Variants in SOX6 observed in about 807,000 individuals in gnomAD.
SOX6 encodes transcription factor SOX-6.
In SOX6, 11 loss-of-function variants were observed where a neutral mutation model predicts 97.8. That is an observed-to-expected ratio of 0.11 (90% CI 0.07 to 0.19). The LOEUF is 0.19. SOX6 is among the 10% of genes least tolerant of loss of function. SOX6 has a pLI of 1.00. For synonymous variants in SOX6, 360 were observed against 371.4 expected (o/e 0.97, Z 0.35); for missense variants, 810 against 1,039.5 (o/e 0.78, Z 3.04).
chr11:16,495,361 A>C (rs1376807245), intron 4 of SOX6, among the ~76,000 whole-genome samples: 1 of 152,010 alleles, frequency 6.6e-6, no homozygotes, highest in Non-Finnish European at 1.5e-5. Flanking sequence ...ACCTATCAAA[A>C]CTAGTGCCCA....
intron 3 of SOX6, among the ~76,000 whole-genome samples, chr11:16,640,324 G>C (rs1246515802): frequency 2.0e-5 from 3 of 152,194 alleles, no homozygotes; most frequent in Non-Finnish European, 4.4e-5. Flanking sequence ...GTATTTTACT[G>C]AGGATTTTTG....
chr11:16,440,842 C>T (rs1859491013), intron 1 of SOX6, among the ~76,000 whole-genome samples: 1 of 152,154 alleles, frequency 6.6e-6, no homozygotes, highest in South Asian at 2.1e-4. Flanking sequence ...GTCCAGAATA[C>T]AAGTTTCCTG....
chr11:16,090,820 A>C (rs1483554127), intron 9 of SOX6, among the ~76,000 whole-genome samples: 1 of 152,080 alleles, frequency 6.6e-6, no homozygotes, highest in Non-Finnish European at 1.5e-5. Context: ...CACCCATCAG[A>C]AGTACTTTAG....
At chr11:16,651,907 A>G (rs1424703310) in intron 3 of SOX6, among the ~76,000 whole-genome samples, 2 of 151,852 alleles carry the variant, frequency 1.3e-5, no homozygotes, top group African/African-American at 4.8e-5. Context: ...CATAGATCTG[A>G]TAAGTAAAGC....
intron 3 of SOX6, among the ~76,000 whole-genome samples, chr11:16,247,589 T>C (rs1853377955): frequency 6.6e-6 from 1 of 152,100 alleles, no homozygotes; most frequent in Non-Finnish European, 1.5e-5. Context: ...AGGAGAAGAA[T>C]GAGAACTGAG....
intron 4 of SOX6, among the ~76,000 whole-genome samples, chr11:16,533,907 A>G (rs1286079866): frequency 1.3e-5 from 2 of 152,122 alleles, no homozygotes; most frequent in Non-Finnish European, 2.9e-5. Flanking sequence ...TCAGTTTTTG[A>G]AAACAAATAA....
At chr11:16,167,758 T>G (rs1461228592) in intron 6 of SOX6, among the ~76,000 whole-genome samples, 1 of 152,118 alleles carries the variant, frequency 6.6e-6, no homozygotes, top group East Asian at 1.9e-4. Flanking sequence ...AAATACTACC[T>G]TCTCCCTTAA....
intron 3 of SOX6, among the ~76,000 whole-genome samples, chr11:16,293,294 C>A (rs1035046877): frequency 6.6e-6 from 1 of 152,040 alleles, no homozygotes; most frequent in African/African-American, 2.4e-5. Context: ...ATGAGAGACA[C>A]CGGAATTTAA....
intron 3 of SOX6, among the ~76,000 whole-genome samples, chr11:16,713,382 CATAA>C (rs1848195479): frequency 2.0e-5 from 3 of 151,988 alleles, no homozygotes; most frequent in African/African-American, 7.2e-5. Flanking sequence ...TTTTACATTA[CATAA>C]ATAATTTACT....
At chr11:16,494,451 T>G (rs559993598) in intron 4 of SOX6, among the ~76,000 whole-genome samples, 1 of 152,184 alleles carries the variant, frequency 6.6e-6, no homozygotes, top group Non-Finnish European at 1.5e-5. Context: ...ATCCTCAATA[T>G]GTATTGTGAA....
intron 4 of SOX6, among the ~76,000 whole-genome samples, chr11:16,597,341 T>TAG (rs1491311982): frequency 6.6e-6 from 1 of 150,466 alleles, no homozygotes; most frequent in Non-Finnish European, 1.5e-5. Flanking sequence ...TGTGTGTGTG[T>TAG]ATATATATAT....
chr11:16,386,370 T>A (rs1857987235), intron 1 of SOX6, among the ~76,000 whole-genome samples: 5 of 152,004 alleles, frequency 3.3e-5, no homozygotes, highest in Admixed American at 3.3e-4. Flanking sequence ...AACTGAGTCA[T>A]GGCCCTGAAA....
rs527800675 is a variant in SOX6 at position 16,176,397 on chromosome 11, C to T, written c.777+7489G>A. On this transcript the variant is annotated intron_variant, in intron 6 of 15. Transcript: ENST00000683767. Reference sequence around the variant, plus strand: ...TAGCATGGAATGCTGTCACTCACTGCTCACATTCATCAGATGAAGAAGGTA... The same window carrying T: ...TAGCATGGAATGCTGTCACTCACTGTTCACATTCATCAGATGAAGAAGGTA... Among the ~76,000 whole-genome samples the T allele has an allele frequency of 4.6e-5, 7 of 151,922 alleles. 1 individual carries two copies. Among genetic ancestry groups the T allele is most frequent in the Admixed American group, 4.6e-4 (7 of 15,226 alleles).
At chr11:16,426,782 C>T (rs946263193) in intron 1 of SOX6, among the ~76,000 whole-genome samples, 24 of 150,222 alleles carry the variant, frequency 1.6e-4, no homozygotes, top group African/African-American at 4.6e-4. Context: ...GGCGTAGTGG[C>T]GGGCGCCTGT....
rs563250746 is a variant in SOX6 at position 16,647,001 on chromosome 11, C to A, written n.430-34741G>T. Among the ~76,000 whole-genome samples, 3 of 152,342 alleles carry A rather than the reference C, an allele frequency of 2.0e-5. No individual in the cohort carries two copies. The South Asian group carries it at 6.2e-4, about 32-fold the overall frequency. On this transcript the variant is annotated intron_variant and non_coding_transcript_variant, in intron 3 of 5. Transcript: ENST00000524520. ...TAGTTGTACTAGTTTACATTCCCAG[C>A]AGCAGTGTATAAGTGTTCCCTTCTC...
chr11:16,596,157 A>G (rs1848211116), intron 4 of SOX6, among the ~76,000 whole-genome samples: 1 of 152,218 alleles, frequency 6.6e-6, no homozygotes, highest in South Asian at 2.1e-4. Context: ...TCCATTTTCT[A>G]AAAGTGTATT....
In SOX6 at chr11:16,014,977, C is replaced by T. The variant is rs1854839414; in HGVS notation, c.1697G>A (p.Gly566Asp). Residue 566 changes from glycine (G) to aspartate (D), a missense_variant, in exon 13 of 16, where the codon GGT becomes GAT. By Grantham distance (94) the Gly-to-Asp change is moderately conservative (BLOSUM62 -1). Transcript: ENST00000683767. ...KSNEDGKLGPGVIDLTRPEDA... is the reference protein window; with the variant it reads ...KSNEDGKLGPDVIDLTRPEDA... ...TTCTGGCCGAGTAAGGTCGATGACA[C>T]CTGGGCCCAGTTTTCCATCTTCATT... is the stretch of plus-strand genomic sequence containing the variant. The T allele has an allele frequency of 6.2e-7, 1 of 1,612,852 alleles. No homozygotes were observed. Among genetic ancestry groups the T allele is most frequent in the African/African-American group, 1.3e-5 (1 of 74,808 alleles).
chr11:16,141,740 G>A (rs1002641850), intron 6 of SOX6, among the ~76,000 whole-genome samples: 7 of 152,124 alleles, frequency 4.6e-5, no homozygotes, highest in African/African-American at 9.7e-5. Context: ...CCACACCCAC[G>A]GAACCTCACT....
At chr11:16,641,885 T>C (rs1430464893) in intron 3 of SOX6, among the ~76,000 whole-genome samples, 1 of 152,260 alleles carries the variant, frequency 6.6e-6, no homozygotes, top group Non-Finnish European at 1.5e-5. Flanking sequence ...GTCTTTTAAT[T>C]GGAGCATTTA....
Sources: allele counts gnomAD v4.1 joint callset (sites outside exome capture counted in the v4.1 genomes callset), GRCh38; gene constraint gnomAD v4.1.1; transcripts MANE v1.5; gene names NCBI Gene and HGNC (gene_info 2026-07-23, HGNC 2026-07-21).